SERPINI1: variants seen among roughly 807,000 people sequenced by gnomAD.
The protein encoded by SERPINI1 is neuroserpin.
A neutral mutation model predicts 41.1 loss-of-function variants in SERPINI1; 19 were observed. The ratio of observed to expected loss-of-function variants is 0.46; its 90% CI spans 0.32 to 0.68. SERPINI1 has a LOEUF of 0.68. Among genes scored for constraint, SERPINI1 ranks in the 30% least tolerant of loss-of-function variants. SERPINI1 has a pLI of 0.03. For synonymous variants in SERPINI1, 138 were observed against 156.6 expected, an observed-to-expected ratio of 0.88 and a Z score of 0.89; for missense variants, 460 against 479.2, an observed-to-expected ratio of 0.96 and a Z score of 0.37.
intron 6 of SERPINI1, among the ~76,000 whole-genome samples, chr3:167,821,228 G>T (rs1712313976): frequency 6.6e-6 from 1 of 152,196 alleles, no homozygotes; most frequent in Non-Finnish European, 1.5e-5. Flanking sequence ...AAATAGGGCT[G>T]AAACATGCCC....
intron 1 of SERPINI1, among the ~76,000 whole-genome samples, chr3:167,757,569 T>C (rs1177027880): frequency 6.6e-6 from 1 of 152,080 alleles, no homozygotes; most frequent in African/African-American, 2.4e-5. Context: ...GTCATTGAAC[T>C]TGTAATCATA....
chr3:167,819,247 C>T lies in SERPINI1; in HGVS notation c.980-3739C>T, dbSNP rs188676470. Among the ~76,000 whole-genome samples the T allele has an allele frequency of 3.9e-5, 6 of 152,210 alleles. No homozygotes were observed. The East Asian group carries it at 1.2e-3, about 29-fold the overall frequency. On this transcript the variant is annotated intron_variant, in intron 6 of 8. Transcript: ENST00000446050. ...TAAGCTGGTCTTGAGTTTCTGGGCT[C>T]AAGTGATCCTCCTGCCTCAGCTTCC...
chr3:167,765,107 G>A (rs984240122), intron 1 of SERPINI1, among the ~76,000 whole-genome samples: 1 of 152,132 alleles, frequency 6.6e-6, no homozygotes, highest in Non-Finnish European at 1.5e-5. Flanking sequence ...CTACCATTCT[G>A]GGGTCTGGTG....
chr3:167,818,743 A>G (rs142707537), intron 6 of SERPINI1, among the ~76,000 whole-genome samples: 334 of 152,286 alleles, frequency 2.2e-3, no homozygotes, highest in African/African-American at 7.6e-3. Context: ...AACAGGCAAT[A>G]AAGTAGGTGA....
intron 1 of SERPINI1, among the ~76,000 whole-genome samples, chr3:167,745,504 A>G (rs1286912308): frequency 6.6e-6 from 1 of 152,078 alleles, no homozygotes; most frequent in Non-Finnish European, 1.5e-5. Context: ...CTTTAAGATC[A>G]GGAATAAGTC....
chr3:167,786,719 C>CCTTT (rs71632479), intron 1 of SERPINI1, among the ~76,000 whole-genome samples: 19,029 of 151,846 alleles, frequency 0.13, 1,414 homozygotes, highest in African/African-American at 0.2. Flanking sequence ...ATTAAAAATG[C>CCTTT]CTTTCTTCAA....
In SERPINI1 at chr3:167,789,347, C is replaced by T. The variant is rs1346309693; in HGVS notation, c.219C>T (p.Arg73=). Residue 73 remains arginine, a synonymous_variant, in exon 2 of 9, where the codon CGC becomes CGT. Coordinates refer to ENST00000446050, the MANE Select transcript of SERPINI1 (RefSeq NM_001122752.2). Reference sequence around the variant, plus strand: ...AAGGATCTACCCAGAAAGAAATCCGCCACTCAATGGGATATGACAGCCTAA... The same window carrying T: ...AAGGATCTACCCAGAAAGAAATCCGTCACTCAATGGGATATGACAGCCTAA... ...GAQGSTQKEI[R]HSMGYDSLKN... The T allele has an allele frequency of 1.7e-5, 27 of 1,614,138 alleles. No homozygotes were observed. The highest frequency in any genetic ancestry group is 2.3e-5 in the Non-Finnish European group (27 of 1,179,992).
intron 1 of SERPINI1, among the ~76,000 whole-genome samples, chr3:167,744,788 TTA>T (rs139553677): frequency 0.33 from 39,791 of 119,970 alleles, 7,157 homozygotes; most frequent in African/African-American, 0.42. Context: ...ATAACTATGG[TTA>T]TATATATATA....
At chr3:167,801,717 T>G (rs1393762567) in intron 5 of SERPINI1, among the ~76,000 whole-genome samples, 1 of 152,076 alleles carries the variant, frequency 6.6e-6, no homozygotes, top group Non-Finnish European at 1.5e-5. Context: ...ACTCAATATA[T>G]GGGAGATAAC....
chr3:167,772,817 C>T (rs1726803477), intron 1 of SERPINI1, among the ~76,000 whole-genome samples: 2 of 90,116 alleles, frequency 2.2e-5, no homozygotes, highest in Non-Finnish European at 4.4e-5. Context: ...TGGGCAGTAT[C>T]TTGAGACTCT....
At chr3:167,761,134 CTT>C (rs1726366386) in intron 1 of SERPINI1, among the ~76,000 whole-genome samples, 1 of 152,176 alleles carries the variant, frequency 6.6e-6, no homozygotes, top group Non-Finnish European at 1.5e-5. Context: ...GAACAATAGA[CTT>C]AATACATTTG....
chr3:167,740,401 G>C (rs1293257060), intron 1 of SERPINI1, among the ~76,000 whole-genome samples: 1 of 152,186 alleles, frequency 6.6e-6, no homozygotes, highest in East Asian at 1.9e-4. Context: ...TTTCTCACCA[G>C]ATACTTAGTA....
chr3:167,795,454 C>T (rs748338825), intron 5 of SERPINI1, among the ~76,000 whole-genome samples: 9 of 152,188 alleles, frequency 5.9e-5, no homozygotes, highest in Non-Finnish European at 8.8e-5. Context: ...TGTCCATGTA[C>T]TTGTGATTAT....
chr3:167,803,407 A>T (rs966566050), intron 5 of SERPINI1, among the ~76,000 whole-genome samples: 8 of 152,174 alleles, frequency 5.3e-5, no homozygotes, highest in African/African-American at 1.9e-4. Flanking sequence ...ATGCAAACAT[A>T]CGACACCCTA....
intron 1 of SERPINI1, among the ~76,000 whole-genome samples, chr3:167,772,893 TACACACAC>T (rs71176658): frequency 0.072 from 3,709 of 51,548 alleles, 166 homozygotes; most frequent in Non-Finnish European, 0.096. Context: ...TATATATATA[TACACACAC>T]ACACACACAC....
chr3:167,750,916 C>T (rs988170959), intron 1 of SERPINI1, among the ~76,000 whole-genome samples: 7 of 152,094 alleles, frequency 4.6e-5, no homozygotes, highest in African/African-American at 1.7e-4. Flanking sequence ...TATGAATTCT[C>T]TTGCATTCTT....
At chr3:167,802,576 G>A (rs892026145) in intron 5 of SERPINI1, among the ~76,000 whole-genome samples, 16 of 151,880 alleles carry the variant, frequency 1.1e-4, no homozygotes, top group African/African-American at 3.6e-4. Flanking sequence ...ACCACAATGA[G>A]ATGCCATCTC....
intron 1 of SERPINI1, among the ~76,000 whole-genome samples, chr3:167,771,820 T>A (rs1726758988): frequency 6.8e-6 from 1 of 147,434 alleles, no homozygotes; most frequent in Non-Finnish European, 1.5e-5. Flanking sequence ...TGTGTGTGAG[T>A]GTGTGTGTGT....
chr3:167,748,760 G>T (rs1255895073), intron 1 of SERPINI1, among the ~76,000 whole-genome samples: 1 of 91,974 alleles, frequency 1.1e-5, no homozygotes, highest in Non-Finnish European at 2.4e-5. Context: ...CTCTGTGTGT[G>T]TGTGTGTGTG....
Sources: allele counts gnomAD v4.1 joint callset (sites outside exome capture counted in the v4.1 genomes callset), GRCh38; gene constraint gnomAD v4.1.1; transcripts MANE v1.5; gene names NCBI Gene and HGNC (gene_info 2026-07-23, HGNC 2026-07-21).